WIPF3: variants seen among roughly 807,000 people sequenced by gnomAD.
The protein encoded by WIPF3 is WAS/WASL interacting protein family member 3, also known as WAS/WASL-interacting protein family member 3.
Under a neutral mutation model 38.9 loss-of-function variants are expected in WIPF3, and 33 were observed. The observed-to-expected ratio is 0.85, with a 90% CI of 0.64 to 1.14. The LOEUF is 1.14. WIPF3 is among the 50% of genes most tolerant of loss of function. WIPF3 has a pLI of 0.00. For synonymous variants in WIPF3, 324 were observed against 269.3 expected, an observed-to-expected ratio of 1.20 and a Z score of -1.99; for missense variants, 711 against 652.5, an observed-to-expected ratio of 1.09 and a Z score of -0.98.
In WIPF3 at chr7:29,875,881, G is replaced by GCGCT. The variant is rs1389817035; in HGVS notation, c.143_146dup (p.Leu50AlafsTer4). On this transcript the variant is annotated frameshift_variant, in exon 3 of 9. Transcript: ENST00000242140. LOFTEE classifies it high-confidence loss of function. ...AAGGGCAGATCCGAAAGGCCGGAGT[G>GCGCT]CGCTGTTGGCTGATATCCAGCAAGG... is the stretch of plus-strand genomic sequence containing the variant. 6.2e-7 allele frequency: 1 copy of GCGCT among 1,614,078 alleles called. No individual in the cohort carries two copies. The highest frequency in any genetic ancestry group is 1.1e-5 in the South Asian group (1 of 91,084).
Position 29,914,613 on chromosome 7 carries a change from C to A in WIPF3, c.*97C>A. ...CTCAAGCTGTAATTCAGTTGGCATA[C>A]AGGCTTGGAATTGAGAATTTATTTA... On this transcript the variant is annotated 3_prime_UTR_variant, in exon 9 of 9. Transcript: ENST00000242140. 1 of 858,478 alleles carries A rather than the reference C, an allele frequency of 1.2e-6. No homozygotes were observed. The highest frequency in any genetic ancestry group is 1.7e-6 in the Non-Finnish European group (1 of 605,986). The allele number at this position is 858,478 out of a possible 1,614,324, so 53.2% of individuals were successfully genotyped here.
At chr7:29,882,755 T>C (rs1412583818) in intron 4 of WIPF3, among the ~76,000 whole-genome samples, 1 of 152,102 alleles carries the variant, frequency 6.6e-6, no homozygotes, top group African/African-American at 2.4e-5. Context: ...ACCCAGGAAG[T>C]AGTGGGTGTG....
chr7:29,894,825 T>C (rs1435115436), intron 7 of WIPF3, among the ~76,000 whole-genome samples: 3 of 152,034 alleles, frequency 2.0e-5, no homozygotes, highest in Non-Finnish European at 2.9e-5. Context: ...GCTCTTCCAC[T>C]AGCCATCATC....
At chr7:29,837,158 A>G (rs1163804248) in intron 2 of WIPF3, among the ~76,000 whole-genome samples, 1 of 152,100 alleles carries the variant, frequency 6.6e-6, no homozygotes, top group Non-Finnish European at 1.5e-5. Flanking sequence ...GATGGAGACC[A>G]CCCTGGCTAA....
intron 7 of WIPF3, among the ~76,000 whole-genome samples, chr7:29,895,020 C>T (rs559423025): frequency 2.6e-5 from 4 of 151,584 alleles, no homozygotes; most frequent in Non-Finnish European, 4.4e-5. Context: ...GGCGTGATCT[C>T]GGCTCACTAC....
chr7:29,851,215 A>G (rs1057266554), intron 2 of WIPF3, among the ~76,000 whole-genome samples: 1 of 152,120 alleles, frequency 6.6e-6, no homozygotes, highest in African/African-American at 2.4e-5. Context: ...GGGTGCTGAG[A>G]CTGGAGGTGG....
chr7:29,816,068 A>C (rs1266562375), intron 1 of WIPF3, among the ~76,000 whole-genome samples: 3 of 152,152 alleles, frequency 2.0e-5, no homozygotes, highest in Non-Finnish European at 2.9e-5. Flanking sequence ...AGATCTCCTA[A>C]TTCGGATAGT....
At chr7:29,816,003 C>T (rs1033466529) in intron 1 of WIPF3, among the ~76,000 whole-genome samples, 2 of 152,086 alleles carry the variant, frequency 1.3e-5, no homozygotes, top group African/African-American at 4.8e-5. Flanking sequence ...TAGACCAAAT[C>T]GTCAAGACCA....
At chr7:29,810,117 C>T (rs758472403) in intron 1 of WIPF3, among the ~76,000 whole-genome samples, 1 of 152,154 alleles carries the variant, frequency 6.6e-6, no homozygotes, top group Non-Finnish European at 1.5e-5. Flanking sequence ...ACTAGCTAGC[C>T]CTGCCCGGGG....
At chr7:29,881,056 G>T (rs116653132) in intron 4 of WIPF3, among the ~76,000 whole-genome samples, 2 of 152,120 alleles carry the variant, frequency 1.3e-5, no homozygotes, top group South Asian at 4.2e-4. Flanking sequence ...GGCCTGAAAG[G>T]CTCATCCGCA....
intron 7 of WIPF3, among the ~76,000 whole-genome samples, chr7:29,895,798 G>A (rs1163379378): frequency 6.6e-6 from 1 of 152,156 alleles, no homozygotes; most frequent in Non-Finnish European, 1.5e-5. Context: ...ACTATCTCCA[G>A]GACAGCATCA....
At chr7:29,881,647 G>C (rs1785719929) in intron 4 of WIPF3, among the ~76,000 whole-genome samples, 1 of 152,188 alleles carries the variant, frequency 6.6e-6, no homozygotes, top group Non-Finnish European at 1.5e-5. Flanking sequence ...CCTTGGCCTA[G>C]AGCTCTAAGG....
At position 29,844,332 on chromosome 7, in the gene WIPF3, G is replaced by A. The variant is rs182544806; in HGVS notation, c.90+9518G>A. 2.4e-3 allele frequency among the ~76,000 whole-genome samples: 360 copies of A among 152,306 alleles called. 2 individuals are homozygous for A. The highest frequency in any genetic ancestry group is 8.2e-3 in the African/African-American group (341 of 41,566). ...GGAATGAATTATCACTTACCCATTGGCTGAGTTGGATCCTGTAACAATAAT... is the reference window on the plus strand; with the variant it reads ...GGAATGAATTATCACTTACCCATTGACTGAGTTGGATCCTGTAACAATAAT... On this transcript the variant is annotated intron_variant, in intron 2 of 8. Transcript: ENST00000242140. The surrounding 1 kb of genome is among the most constrained non-coding windows in gnomAD (Gnocchi z 4.8).
rs1784964323 is a variant in WIPF3 at position 29,844,224 on chromosome 7, T to A, written c.90+9410T>A. 6.6e-6 allele frequency among the ~76,000 whole-genome samples: 1 copy of A among 151,946 alleles called. No homozygotes were observed. Among genetic ancestry groups the A allele is most frequent in the Admixed American group, 6.6e-5 (1 of 15,244 alleles). Reference sequence around the variant, plus strand: ...AAAGGGTTGGGTGATTTTTATTTTCTTTTTTTTGTGAGTCTGCGTCTCCTC... The same window carrying A: ...AAAGGGTTGGGTGATTTTTATTTTCATTTTTTTGTGAGTCTGCGTCTCCTC... On this transcript the variant is annotated intron_variant, in intron 2 of 8. Transcript: ENST00000242140. This position sits in a 1 kb window ranked among gnomAD's most constrained non-coding sequence, Gnocchi z 4.8.
intron 1 of WIPF3, among the ~76,000 whole-genome samples, chr7:29,826,680 G>A (rs1488404612): frequency 1.3e-5 from 2 of 152,028 alleles, no homozygotes; most frequent in African/African-American, 4.8e-5. Context: ...AAGTGGTATT[G>A]GTTTTCCATT....
intron 2 of WIPF3, among the ~76,000 whole-genome samples, chr7:29,872,162 G>A (rs544364786): frequency 2.6e-5 from 4 of 152,268 alleles, no homozygotes; most frequent in East Asian, 1.9e-4. Context: ...TTTTAGTGAC[G>A]TTGCCCATGA....
Position 29,902,274 on chromosome 7 carries a change from C to CT in WIPF3, c.1352-1996dup, listed in dbSNP as rs11407234. 7.6e-3 allele frequency among the ~76,000 whole-genome samples: 792 copies of CT among 104,110 alleles called. 9 individuals carry two copies. The highest frequency in any genetic ancestry group is 0.027 in the African/African-American group (694 of 25,592). The allele number at this position is 104,110 out of a possible 152,430, so 68.3% of individuals were successfully genotyped here. On this transcript the variant is annotated intron_variant, in intron 7 of 8. Coordinates refer to ENST00000242140, the MANE Select transcript of WIPF3 (RefSeq NM_001080529.3). ...TTAGTGTTTTCTTCTTCTTCTTCTTCTTTTTTTTTTTTTTTTACTTTTTGC... is the reference window on the plus strand; with the variant it reads ...TTAGTGTTTTCTTCTTCTTCTTCTTCTTTTTTTTTTTTTTTTTACTTTTTGC...
chr7:29,824,376 TG>T (rs1784583488), intron 1 of WIPF3, among the ~76,000 whole-genome samples: 1 of 151,962 alleles, frequency 6.6e-6, no homozygotes, highest in African/African-American at 2.4e-5. Context: ...ATAGTAGAAG[TG>T]TGACCAAAGT....
chr7:29,852,133 C>T (rs1785109407), intron 2 of WIPF3, among the ~76,000 whole-genome samples: 2 of 152,252 alleles, frequency 1.3e-5, no homozygotes, highest in Non-Finnish European at 2.9e-5. Context: ...TCCCAAATAG[C>T]TGAGACTACA....
Sources: allele counts gnomAD v4.1 joint callset (sites outside exome capture counted in the v4.1 genomes callset), GRCh38; gene constraint gnomAD v4.1.1; non-coding constraint Gnocchi (gnomAD v3.1); transcripts MANE v1.5; gene names NCBI Gene and HGNC (gene_info 2026-07-23, HGNC 2026-07-21).